Variants in GARNL3 observed in about 807,000 individuals in gnomAD.
GARNL3 encodes GTPase-activating Rap/Ran-GAP domain-like protein 3.
In GARNL3, 63 loss-of-function variants were observed where a neutral mutation model predicts 125.0. The ratio of observed to expected loss-of-function variants is 0.50; its 90% CI spans 0.41 to 0.62. The LOEUF (loss-of-function observed/expected upper bound fraction) is 0.62, where lower values mean the gene tolerates loss of function less well. GARNL3 is among the 20% of genes least tolerant of loss of function. The probability of loss-of-function intolerance (pLI) is 0.00; values close to 1 mark genes in which losing one functional copy is unlikely to be tolerated. For missense variants in GARNL3, 994 were observed against 1,244.0 expected, an observed-to-expected ratio of 0.80 and a Z score of 3.02; for synonymous variants, 439 against 457.5, an observed-to-expected ratio of 0.96 and a Z score of 0.52.
chr9:127,281,283 G>A (rs897686809), intron 1 of GARNL3, among the ~76,000 whole-genome samples: 21 of 152,136 alleles, frequency 1.4e-4, no homozygotes, highest in South Asian at 2.1e-4. Context: ...GGAGTTGGGA[G>A]GTATTCGATT....
intron 22 of GARNL3, among the ~76,000 whole-genome samples, chr9:127,376,872 G>C (rs566129906): frequency 6.6e-6 from 1 of 152,172 alleles, no homozygotes; most frequent in Non-Finnish European, 1.5e-5. Flanking sequence ...TTTGGGACAA[G>C]GACAATCCAA....
In GARNL3 at chr9:127,298,427, C is replaced by T. The variant is rs551688676; in HGVS notation, c.219+7185C>T. On this transcript the variant is annotated intron_variant, in intron 2 of 27. Transcript: ENST00000373387. ...CTCCTGACATCAGGTGATCCATCCA[C>T]TTCAGCCTCCCAAAGCACTAGGATT... Among the ~76,000 whole-genome samples, 225 of 152,318 alleles carry T rather than the reference C, an allele frequency of 1.5e-3. 2 individuals carry two copies. Among genetic ancestry groups the T allele is most frequent in the African/African-American group, 5.1e-3 (210 of 41,570 alleles).
chr9:127,391,525 A>AG (rs1832839645), intron 27 of GARNL3, among the ~76,000 whole-genome samples: 1 of 64,300 alleles, frequency 1.6e-5, no homozygotes, highest in Non-Finnish European at 3.5e-5. Context: ...CCATCTCTAC[A>AG]AAAAAAAAAT....
At chr9:127,387,518 G>A (rs376084612) in intron 25 of GARNL3, among the ~76,000 whole-genome samples, 187 bp downstream of exon 25, 3 of 151,996 alleles carry the variant, frequency 2.0e-5, no homozygotes, top group Admixed American at 6.6e-5. Context: ...TGAGGCGGGC[G>A]GATCACCTAA....
intron 6 of GARNL3, among the ~76,000 whole-genome samples, chr9:127,322,056 C>T (rs1014271088): frequency 2.0e-4 from 30 of 152,124 alleles, no homozygotes; most frequent in Admixed American, 1.5e-3. Context: ...CAACCCCAGA[C>T]GGAACTCAGG....
intron 25 of GARNL3, chr9:127,388,681 T>A: frequency 1.8e-6 from 1 of 570,922 alleles, no homozygotes; most frequent in South Asian, 2.1e-5. Context: ...CAGTCACGAG[T>A]GCATTTTACC....
At chr9:127,284,357 T>G (rs2064185917) in intron 1 of GARNL3, among the ~76,000 whole-genome samples, 1 of 152,218 alleles carries the variant, frequency 6.6e-6, no homozygotes, top group African/African-American at 2.4e-5. Flanking sequence ...AGAAATCTCT[T>G]TCTTCTTAGT....
chr9:127,380,804 G>C lies in GARNL3; in HGVS notation c.2162-2634G>C, dbSNP rs553871210. Among the ~76,000 whole-genome samples the C allele has an allele frequency of 3.3e-5, 5 of 152,326 alleles. No homozygotes were observed. In the South Asian group the frequency reaches 1.0e-3, roughly 32 times the overall value. On this transcript the variant is annotated intron_variant, in intron 22 of 27. Transcript: ENST00000373387. The stretch of plus-strand genomic sequence containing the variant: ...AAATGGGGAGTGAGGTTTCATTTTA[G>C]GATGATGAGAGTTCTAAAATTAGAT...
chr9:127,226,864 G>A (rs2062922533), intron 1 of GARNL3, among the ~76,000 whole-genome samples: 1 of 152,164 alleles, frequency 6.6e-6, no homozygotes, highest in African/African-American at 2.4e-5. Flanking sequence ...CTGAACCAAG[G>A]GATGAGGCTG....
At chr9:127,375,489 G>C (rs1442923000) in intron 22 of GARNL3, among the ~76,000 whole-genome samples, 1 of 147,770 alleles carries the variant, frequency 6.8e-6, no homozygotes, top group Non-Finnish European at 1.5e-5. Flanking sequence ...AAAAAGAAAA[G>C]AAAGAAATGA....
chr9:127,348,685 A>T (rs1380401316), intron 16 of GARNL3, among the ~76,000 whole-genome samples: 1 of 152,200 alleles, frequency 6.6e-6, no homozygotes, highest in African/African-American at 2.4e-5. Context: ...TAATACAGAG[A>T]CAGGTTATGG....
chr9:127,343,427 G>T (rs1463981521), intron 14 of GARNL3, among the ~76,000 whole-genome samples: 7 of 152,150 alleles, frequency 4.6e-5, no homozygotes, highest in Non-Finnish European at 1.0e-4. Flanking sequence ...CCTGAGCCAG[G>T]CTTCCCTAGC....
chr9:127,282,722 C>T (rs1319418437), intron 1 of GARNL3, among the ~76,000 whole-genome samples: 1 of 151,938 alleles, frequency 6.6e-6, no homozygotes, highest in African/African-American at 2.4e-5. Context: ...TACCTGAATG[C>T]CAAGTACACA....
intron 1 of GARNL3, among the ~76,000 whole-genome samples, chr9:127,265,565 T>C (rs1182946724): frequency 6.6e-6 from 1 of 152,206 alleles, no homozygotes. Flanking sequence ...GAGGTGTTAG[T>C]GTTTGTGCTA....
At chr9:127,388,868 TA>T (rs754820915) in intron 25 of GARNL3, 35 bp from the exon 26 acceptor site, 3 of 1,262,376 alleles carry the variant, frequency 2.4e-6, no homozygotes, top group South Asian at 1.2e-5. Context: ...GCACTTTTCT[TA>T]AAGTTCTGAT....
intron 2 of GARNL3, among the ~76,000 whole-genome samples, chr9:127,247,928 C>T (rs1027248806): frequency 6.6e-6 from 1 of 152,178 alleles, no homozygotes; most frequent in African/African-American, 2.4e-5. Flanking sequence ...CCCCCTGTCC[C>T]CTACTATCCT....
intron 1 of GARNL3, among the ~76,000 whole-genome samples, chr9:127,290,371 G>A (rs2064378419): frequency 6.6e-6 from 1 of 152,146 alleles, no homozygotes; most frequent in Admixed American, 6.5e-5. Flanking sequence ...TCACATTTCT[G>A]TTTTGCTGAG....
At chr9:127,365,150 G>A (rs1451850249) in intron 21 of GARNL3, 150 bp from the exon 22 acceptor site, 5 of 655,876 alleles carry the variant, frequency 7.6e-6, no homozygotes, top group African/African-American at 1.8e-5. Flanking sequence ...AGCCCCCAAT[G>A]TGCATTGTGG....
chr9:127,258,624 G>A (rs921896956), intron 2 of GARNL3, among the ~76,000 whole-genome samples: 2 of 152,140 alleles, frequency 1.3e-5, no homozygotes, highest in African/African-American at 4.8e-5. Context: ...GGGCCAAAGA[G>A]TGAGACCCTG....
Sources: gnomAD v4.1 joint callset for allele counts (sites outside exome capture counted in the v4.1 genomes callset) on GRCh38, gnomAD v4.1.1 for gene constraint, MANE v1.5 for transcripts, NCBI Gene and HGNC (gene_info 2026-07-23, HGNC 2026-07-21) for gene names.